SATB2: variants seen among roughly 807,000 people sequenced by gnomAD.
The protein encoded by SATB2 is DNA-binding protein SATB2.
A neutral mutation model predicts 73.4 loss-of-function variants in SATB2; 1 was observed. The observed-to-expected ratio is 0.01, with a 90% CI of 0.00 to 0.06. SATB2 has a LOEUF of 0.06. Ranked by LOEUF, SATB2 falls within the 10% of genes least tolerant of loss-of-function variation. SATB2 has a pLI of 1.00. For missense variants in SATB2, 459 were observed against 945.8 expected, an observed-to-expected ratio of 0.49 and a Z score of 6.75; for synonymous variants, 397 against 367.0, an observed-to-expected ratio of 1.08 and a Z score of -0.93.
In SATB2 at chr2:199,280,042, C is replaced by G. The variant is rs1026171102; in HGVS notation, c.1741-7370G>C. On this transcript the variant is annotated intron_variant, in intron 10 of 10. Transcript: ENST00000417098. ...TGTAATCCCAGCTACTTGGGTGTTG[C>G]GGGAAGTCAGGGACCCCAAACGGAG... is the stretch of plus-strand genomic sequence containing the variant. 2.0e-5 allele frequency among the ~76,000 whole-genome samples: 3 copies of G among 152,062 alleles called. No homozygotes were observed. The South Asian group carries it at 6.2e-4, about 31-fold the overall frequency.
chr2:199,355,809 T>G lies in SATB2; in HGVS notation c.701-6636A>C, dbSNP rs1688964273. Among the ~76,000 whole-genome samples the G allele has an allele frequency of 3.3e-5, 5 of 152,292 alleles. No homozygotes were observed. In the South Asian group the frequency reaches 1.0e-3, roughly 32 times the overall value. On this transcript the variant is annotated intron_variant, in intron 6 of 10. Transcript: ENST00000417098. Reference sequence around the variant, plus strand: ...GCAGGAATTTAAGACTTTCCTTAGATATCTCTATTAAACTCACCATTACAA... The same window carrying G: ...GCAGGAATTTAAGACTTTCCTTAGAGATCTCTATTAAACTCACCATTACAA...
intron 3 of SATB2, among the ~76,000 whole-genome samples, chr2:199,414,667 C>T (rs1014839652): frequency 1.3e-5 from 2 of 152,044 alleles, no homozygotes; most frequent in Admixed American, 1.3e-4. Flanking sequence ...TGTGTCAAAG[C>T]GCTCACTCAA....
At chr2:199,380,017 G>C (rs1176935171) in intron 5 of SATB2, among the ~76,000 whole-genome samples, 2 of 151,824 alleles carry the variant, frequency 1.3e-5, no homozygotes, top group Admixed American at 1.3e-4. Context: ...CTGAGTAGCT[G>C]GGACTACAGG....
At chr2:199,278,332 T>A (rs1233174218) in intron 10 of SATB2, among the ~76,000 whole-genome samples, 1 of 152,204 alleles carries the variant, frequency 6.6e-6, no homozygotes, top group Non-Finnish European at 1.5e-5. Context: ...ACTAGCCACA[T>A]GTGGGTATTT....
intron 3 of SATB2, among the ~76,000 whole-genome samples, chr2:199,422,546 C>T (rs894466001): frequency 3.3e-5 from 5 of 152,082 alleles, no homozygotes; most frequent in South Asian, 2.1e-4. Flanking sequence ...TGTCAACCTT[C>T]GGTTTATGCC....
chr2:199,410,980 AT>A lies in SATB2; in HGVS notation c.346+22357del, dbSNP rs900924857. 3.6e-3 allele frequency among the ~76,000 whole-genome samples: 541 copies of A among 151,838 alleles called. 1 individual carries two copies. The Middle Eastern group carries it at 0.048, about 13-fold the overall frequency. ...CCATTAGTGATCACAGACACCTGGA[AT>A]TTTTTTTTCCTAATTAAAGAAGCCC... On this transcript the variant is annotated intron_variant, in intron 3 of 10. Coordinates refer to ENST00000417098, the MANE Select transcript of SATB2 (RefSeq NM_001172509.2).
At chr2:199,386,692 GCAAGCGCGCGCGCGCGCGCGCGCGCA>G (rs1441471201) in intron 3 of SATB2, among the ~76,000 whole-genome samples, 20 of 5,184 alleles carry the variant, frequency 3.9e-3, no homozygotes, top group African/African-American at 9.4e-3. Context: ...ATACACGTGC[GCAAGCGCGCGCGCGCGCGCGCGCGCA>G]CACACACACA....
At chr2:199,313,779 A>G (rs937421436) in intron 9 of SATB2, among the ~76,000 whole-genome samples, 1 of 152,232 alleles carries the variant, frequency 6.6e-6, no homozygotes, top group Non-Finnish European at 1.5e-5. Flanking sequence ...TGATAGTTTC[A>G]TTAATGAGTT....
chr2:199,380,272 A>G, intron 5 of SATB2, 92 bp downstream of exon 5: 1 of 1,472,920 alleles, frequency 6.8e-7, no homozygotes, highest in Non-Finnish European at 9.5e-7. Context: ...TAAAAGACAG[A>G]GAAGACAGTT....
chr2:199,357,348 A>C (rs542753486), intron 6 of SATB2, among the ~76,000 whole-genome samples: 2 of 152,334 alleles, frequency 1.3e-5, no homozygotes, highest in Admixed American at 1.3e-4. Context: ...AAAGTGATGA[A>C]ATCATTGATT....
At chr2:199,446,112 T>C (rs2105944470) in intron 2 of SATB2, among the ~76,000 whole-genome samples, 1 of 152,306 alleles carries the variant, frequency 6.6e-6, no homozygotes, top group Non-Finnish European at 1.5e-5. Context: ...TCCTTTCTAG[T>C]CAATGTTACA....
At chr2:199,435,044 C>T (rs990005262) in intron 2 of SATB2, among the ~76,000 whole-genome samples, 2 of 152,074 alleles carry the variant, frequency 1.3e-5, no homozygotes, top group Admixed American at 1.3e-4. Flanking sequence ...GACTGCACAA[C>T]AGTGTAACAA....
intron 3 of SATB2, among the ~76,000 whole-genome samples, chr2:199,419,624 T>G (rs1262255834): frequency 6.6e-6 from 1 of 152,204 alleles, no homozygotes; most frequent in Admixed American, 6.5e-5. Flanking sequence ...TCTTGTAGCA[T>G]ACTCAGCTGC....
chr2:199,380,660 G>A (rs1386562819), intron 4 of SATB2, among the ~76,000 whole-genome samples, 173 bp from the exon 5 acceptor site: 5 of 152,164 alleles, frequency 3.3e-5, no homozygotes, highest in African/African-American at 1.2e-4. Flanking sequence ...GACTTTGCGA[G>A]GGCCCAAGGG....
chr2:199,310,608 A>C (rs1477192600), intron 9 of SATB2, among the ~76,000 whole-genome samples: 2 of 152,338 alleles, frequency 1.3e-5, no homozygotes, highest in East Asian at 3.9e-4. Context: ...CTGTGGAAAA[A>C]TAAGCTCCTA....
intron 10 of SATB2, among the ~76,000 whole-genome samples, chr2:199,278,123 A>G (rs573231908): frequency 1.3e-5 from 2 of 152,258 alleles, no homozygotes; most frequent in South Asian, 2.1e-4. Flanking sequence ...GTTATTTGAG[A>G]TAAGGTGACT....
chr2:199,421,228 A>G (rs547675294), intron 3 of SATB2, among the ~76,000 whole-genome samples: 1 of 152,294 alleles, frequency 6.6e-6, no homozygotes, highest in South Asian at 2.1e-4. Flanking sequence ...AAAGACTATG[A>G]AAAGAAGCTG....
At chr2:199,275,024 C>T (rs1692269414) in intron 10 of SATB2, among the ~76,000 whole-genome samples, 1 of 152,068 alleles carries the variant, frequency 6.6e-6, no homozygotes, top group African/African-American at 2.4e-5. Flanking sequence ...AACATAGACT[C>T]AAGCATGAGT....
chr2:199,295,675 C>T (rs1693009752), intron 10 of SATB2, among the ~76,000 whole-genome samples: 1 of 152,158 alleles, frequency 6.6e-6, no homozygotes, highest in African/African-American at 2.4e-5. Flanking sequence ...TTTGCCTGGC[C>T]TGACTTACCT....
Sources: allele counts gnomAD v4.1 joint callset (sites outside exome capture counted in the v4.1 genomes callset), GRCh38; gene constraint gnomAD v4.1.1; transcripts MANE v1.5; gene names NCBI Gene and HGNC (gene_info 2026-07-23, HGNC 2026-07-21).